ATP2B2: variants seen among roughly 807,000 people sequenced by gnomAD.
ATP2B2 encodes the protein ATPase plasma membrane Ca2+ transporting 2, also known as plasma membrane calcium-transporting ATPase 2.
Under a neutral mutation model 120.0 loss-of-function variants are expected in ATP2B2, and 15 were observed. That is an observed-to-expected ratio of 0.12 (90% CI 0.08 to 0.19). ATP2B2 has a LOEUF of 0.19. ATP2B2 is among the 10% of genes least tolerant of loss of function. ATP2B2 has a pLI of 1.00. For synonymous variants in ATP2B2, 694 were observed against 700.3 expected (o/e 0.99, Z 0.14); for missense variants, 1,045 against 1,719.8 (o/e 0.61, Z 6.94).
intron 1 of ATP2B2, among the ~76,000 whole-genome samples, chr3:10,625,546 C>T (rs375586436): frequency 8.5e-5 from 13 of 152,298 alleles, no homozygotes; most frequent in East Asian, 1.9e-4. Flanking sequence ...TTACAGAATC[C>T]GGATCATGGC....
intron 2 of ATP2B2, among the ~76,000 whole-genome samples, chr3:10,538,612 C>T (rs1004446174): frequency 6.6e-6 from 1 of 152,136 alleles, no homozygotes; most frequent in Non-Finnish European, 1.5e-5. Context: ...ATTAACAGAA[C>T]CAAAGACAAA....
In ATP2B2 at chr3:10,360,311, G is replaced by A. The variant is rs187227495; in HGVS notation, c.1660-188C>T. Among the ~76,000 whole-genome samples the A allele has an allele frequency of 2.0e-3, 312 of 152,326 alleles. 1 individual carries two copies. The highest frequency in any genetic ancestry group is 7.1e-3 in the African/African-American group (296 of 41,564). ...GCATCCCAGGTCCAGTCCTGACTCC[G>A]GGTGAAAGGAGTGAAGCAAGATTAG... On this transcript the variant is annotated intron_variant, in intron 12 of 22. Transcript: ENST00000360273.
At chr3:10,671,958 C>T (rs2071109054) in intron 1 of ATP2B2, among the ~76,000 whole-genome samples, 1 of 152,178 alleles carries the variant, frequency 6.6e-6, no homozygotes, top group South Asian at 2.1e-4. Context: ...GAGGCCCCTG[C>T]AGTTTGCACT....
chr3:10,667,320 TG>T (rs2070967285), intron 1 of ATP2B2, among the ~76,000 whole-genome samples: 1 of 152,184 alleles, frequency 6.6e-6, no homozygotes, highest in South Asian at 2.1e-4. Flanking sequence ...AATTTCAGCC[TG>T]GGCCTCTCAG....
intron 1 of ATP2B2, among the ~76,000 whole-genome samples, chr3:10,647,341 G>A (rs73037803): frequency 1.2e-3 from 176 of 152,290 alleles, no homozygotes; most frequent in South Asian, 2.7e-3. Context: ...ATGGGAAAGG[G>A]TGCTGACATC....
chr3:10,513,441 G>A (rs983589249), intron 3 of ATP2B2, among the ~76,000 whole-genome samples: 1 of 152,216 alleles, frequency 6.6e-6, no homozygotes, highest in Non-Finnish European at 1.5e-5. Context: ...ACAGATTTCT[G>A]TCCTTACCCT....
chr3:10,552,566 T>G (rs1335866134), intron 2 of ATP2B2, among the ~76,000 whole-genome samples: 1 of 152,250 alleles, frequency 6.6e-6, no homozygotes, highest in Non-Finnish European at 1.5e-5. Context: ...AACAGCTATG[T>G]GCTGGGTTGG....
intron 1 of ATP2B2, among the ~76,000 whole-genome samples, chr3:10,688,226 A>T (rs76823824): frequency 0.028 from 4,190 of 152,262 alleles, 111 homozygotes; most frequent in South Asian, 0.13. Flanking sequence ...AAGACAAAAC[A>T]TACCAGGTTT....
intron 2 of ATP2B2, among the ~76,000 whole-genome samples, chr3:10,444,846 C>T (rs1022686177): frequency 8.5e-5 from 13 of 152,236 alleles, no homozygotes; most frequent in Non-Finnish European, 1.5e-4. Context: ...CCTTCTGTCT[C>T]ATGAAAGGAG....
At chr3:10,543,740 A>AT (rs144604142) in intron 2 of ATP2B2, among the ~76,000 whole-genome samples, 15,636 of 141,536 alleles carry the variant, frequency 0.11, 908 homozygotes, top group Middle Eastern at 0.24. Flanking sequence ...GTTCTTCATA[A>AT]TTTTTTTTTT....
rs528086793 is a variant in ATP2B2, at chr3:10,586,880, G to A, written c.-415+33037C>T. Among the ~76,000 whole-genome samples the A allele has an allele frequency of 3.3e-5, 5 of 152,200 alleles. No individual in the cohort carries two copies. The South Asian group carries it at 1.0e-3, about 32-fold the overall frequency. On this transcript the variant is annotated intron_variant, in intron 2 of 21. Coordinates refer to the ATP2B2 transcript ENST00000646379. ...CACCCCACTGCCCAGCTCTGCTCCGGTCCCTGCTCACATGGCACCTCCTCA... is the reference window on the plus strand; with the variant it reads ...CACCCCACTGCCCAGCTCTGCTCCGATCCCTGCTCACATGGCACCTCCTCA...
chr3:10,456,426 G>A (rs1477201320), intron 1 of ATP2B2, among the ~76,000 whole-genome samples: 1 of 152,146 alleles, frequency 6.6e-6, no homozygotes, highest in Non-Finnish European at 1.5e-5. Flanking sequence ...CACTAGTTAT[G>A]TGACTTGGGC....
At chr3:10,678,369 G>C (rs2071296106) in intron 1 of ATP2B2, among the ~76,000 whole-genome samples, 1 of 152,244 alleles carries the variant, frequency 6.6e-6, no homozygotes, top group South Asian at 2.1e-4. Context: ...TGGCGTGAGA[G>C]ATGTGCCCGG....
chr3:10,434,315 TGGCCCTGGCAGCCTGTCCCTGA>T (rs1559333395), intron 2 of ATP2B2, among the ~76,000 whole-genome samples: 1 of 152,256 alleles, frequency 6.6e-6, no homozygotes, highest in African/African-American at 2.4e-5. Context: ...TGATCTCCTG[TGGCCCTGGCAGCCTGTCCCTGA>T]GGCCCTCCTG....
chr3:10,692,048 C>T (rs981911582), intron 1 of ATP2B2, among the ~76,000 whole-genome samples: 2 of 152,164 alleles, frequency 1.3e-5, no homozygotes, highest in South Asian at 4.1e-4. Context: ...CTTTATTTTA[C>T]TGGGTTTGAG....
intron 2 of ATP2B2, among the ~76,000 whole-genome samples, chr3:10,614,231 C>T (rs1252527404): frequency 6.6e-6 from 1 of 152,102 alleles, no homozygotes; most frequent in African/African-American, 2.4e-5. Context: ...CTGCCGTATT[C>T]CTAGTGTTTG....
At chr3:10,576,700 CCA>C (rs1283652770) in intron 2 of ATP2B2, among the ~76,000 whole-genome samples, 1 of 151,586 alleles carries the variant, frequency 6.6e-6, no homozygotes, top group East Asian at 2.0e-4. Flanking sequence ...ATTTAAAGGT[CCA>C]GAGTCCTTTT....
intron 1 of ATP2B2, among the ~76,000 whole-genome samples, chr3:10,654,641 C>A (rs1157264058): frequency 1.3e-5 from 2 of 152,102 alleles, no homozygotes; most frequent in Non-Finnish European, 2.9e-5. Flanking sequence ...ATAGATTTAT[C>A]CTGTGCAATC....
At chr3:10,357,785 G>A (rs767018545) in intron 14 of ATP2B2, among the ~76,000 whole-genome samples, 1 of 152,152 alleles carries the variant, frequency 6.6e-6, no homozygotes, top group Non-Finnish European at 1.5e-5. Context: ...GCTCCCCTGG[G>A]GCCTCACAGT....
Sources: allele counts gnomAD v4.1 joint callset (sites outside exome capture counted in the v4.1 genomes callset), GRCh38; gene constraint gnomAD v4.1.1; transcripts MANE v1.5; gene names NCBI Gene and HGNC (gene_info 2026-07-23, HGNC 2026-07-21).